MALRD1: variants seen among roughly 807,000 people sequenced by gnomAD.
The protein encoded by MALRD1 is MAM and LDL-receptor class A domain-containing protein 1.
Under a neutral mutation model 242.1 loss-of-function variants are expected in MALRD1, and 247 were observed. The ratio of observed to expected loss-of-function variants is 1.02; its 90% confidence interval spans 0.92 to 1.13. The LOEUF is 1.13. Among genes scored for constraint, MALRD1 ranks in the 50% most tolerant of loss-of-function variants. The probability of loss-of-function intolerance (pLI) is 0.00; values close to 1 mark genes in which losing one functional copy is unlikely to be tolerated. For synonymous variants in MALRD1, 995 were observed against 866.6 expected (o/e 1.15, Z -2.60); for missense variants, 2,989 against 2,533.1 (o/e 1.18, Z -3.86).
At chr10:19,079,374 C>G (rs1422938122) in intron 2 of MALRD1, among the ~76,000 whole-genome samples, 1 of 151,698 alleles carries the variant, frequency 6.6e-6, no homozygotes, top group Non-Finnish European at 1.5e-5. Flanking sequence ...TAAATATATT[C>G]AGATTTGTTT....
At chr10:19,436,004 A>G (rs1419102668) in intron 28 of MALRD1, among the ~76,000 whole-genome samples, 1 of 152,114 alleles carries the variant, frequency 6.6e-6, no homozygotes, top group Non-Finnish European at 1.5e-5. Context: ...TTGTTGCTCA[A>G]GTTGTTCCAG....
chr10:19,313,668 C>T (rs536131311), intron 21 of MALRD1, among the ~76,000 whole-genome samples: 60 of 151,530 alleles, frequency 4.0e-4, no homozygotes, highest in African/African-American at 1.0e-3. Context: ...AGGTCTAATA[C>T]GTATTTACTG....
intron 10 of MALRD1, among the ~76,000 whole-genome samples, chr10:19,144,893 G>T (rs2131436359): frequency 1.3e-5 from 2 of 152,226 alleles, no homozygotes; most frequent in East Asian, 3.9e-4. Flanking sequence ...TGGTAGTTTG[G>T]CTGTTTTTAT....
rs866447396 is a variant in MALRD1, at chr10:19,722,753, A to G, written c.6315-7953A>G. Among the ~76,000 whole-genome samples the G allele has an allele frequency of 9.2e-5, 14 of 152,122 alleles. No homozygotes were observed. The South Asian group carries it at 2.5e-3, about 27-fold the overall frequency. On this transcript the variant is annotated intron_variant, in intron 38 of 39. Transcript: ENST00000454679. ...GCAGGAAGTCTAAAAGAAGATGTAAATGACAAAAGGAGGAAAGCATAAGGA... is the reference window on the plus strand; with the variant it reads ...GCAGGAAGTCTAAAAGAAGATGTAAGTGACAAAAGGAGGAAAGCATAAGGA...
chr10:19,560,591 A>G (rs1835919759), intron 32 of MALRD1, among the ~76,000 whole-genome samples: 1 of 152,256 alleles, frequency 6.6e-6, no homozygotes, highest in South Asian at 2.1e-4. Flanking sequence ...GACTAGATAA[A>G]GAAAATGTGG....
chr10:19,398,777 C>G (rs1846698566), intron 28 of MALRD1, among the ~76,000 whole-genome samples: 1 of 152,152 alleles, frequency 6.6e-6, no homozygotes. Flanking sequence ...CTTGTCTGCA[C>G]AGGAATTTCT....
chr10:19,133,798 T>G, intron 8 of MALRD1, 58 bp from the exon 9 acceptor site: 1 of 718,750 alleles, frequency 1.4e-6, no homozygotes, highest in Non-Finnish European at 1.9e-6. Context: ...AGAGCATGTA[T>G]GTAAATGTGA....
intron 29 of MALRD1, among the ~76,000 whole-genome samples, chr10:19,458,140 C>A (rs1480438701): frequency 2.0e-5 from 3 of 152,094 alleles, no homozygotes; most frequent in Non-Finnish European, 4.4e-5. Context: ...TAAATATACT[C>A]TTTATAGAAG....
intron 32 of MALRD1, among the ~76,000 whole-genome samples, chr10:19,546,019 G>A (rs1463056934): frequency 2.0e-5 from 3 of 152,164 alleles, no homozygotes; most frequent in African/African-American, 4.8e-5. Context: ...TCTCAAGAGA[G>A]TTAATTATAT....
At chr10:19,329,931 C>A (rs35423414) in intron 23 of MALRD1, among the ~76,000 whole-genome samples, 21,126 of 152,070 alleles carry the variant, frequency 0.14, 1,491 homozygotes, top group South Asian at 0.16. Flanking sequence ...GAAGATAAGC[C>A]AGTTAACAGT....
chr10:19,717,497 C>T lies in MALRD1; in HGVS notation c.6315-13209C>T, dbSNP rs377271232. ...GTTTTCCCCTCCATAACATCTGGGCCATCAGTGTAAATGTCATCCCAGTAA... is the reference window on the plus strand; with the variant it reads ...GTTTTCCCCTCCATAACATCTGGGCTATCAGTGTAAATGTCATCCCAGTAA... On this transcript the variant is annotated intron_variant, in intron 38 of 39. Transcript: ENST00000454679. Among the ~76,000 whole-genome samples, 30 of 152,214 alleles carry T rather than the reference C, an allele frequency of 2.0e-4. No homozygotes were observed. The East Asian group carries it at 4.0e-3, about 21-fold the overall frequency.
At position 19,318,315 on chromosome 10, in the gene MALRD1, T is replaced by C. The variant is rs574918627; in HGVS notation, c.3420-5634T>C. 3.3e-5 allele frequency among the ~76,000 whole-genome samples: 5 copies of C among 152,100 alleles called. No homozygotes were observed. The South Asian group carries it at 1.0e-3, about 32-fold the overall frequency. On this transcript the variant is annotated intron_variant, in intron 21 of 39. Coordinates refer to ENST00000454679, the MANE Select transcript of MALRD1 (RefSeq NM_001142308.3). ...GTTCACAGTTTGATAAAAACACAAA[T>C]GCAGTTTTGTTGTTTGCATTTTTCA...
At chr10:19,326,675 A>G (rs981297978) in intron 22 of MALRD1, among the ~76,000 whole-genome samples, 1 of 152,132 alleles carries the variant, frequency 6.6e-6, no homozygotes, top group East Asian at 1.9e-4. Flanking sequence ...TATTTTTTCT[A>G]TGACTCTGGA....
chr10:19,305,792 A>G (rs1842137532), intron 21 of MALRD1, among the ~76,000 whole-genome samples: 1 of 141,800 alleles, frequency 7.1e-6, no homozygotes, highest in African/African-American at 2.6e-5. Flanking sequence ...TATTATATAT[A>G]TACCATATAT....
At chr10:19,390,592 G>T (rs1846299286) in intron 28 of MALRD1, among the ~76,000 whole-genome samples, 1 of 152,032 alleles carries the variant, frequency 6.6e-6, no homozygotes, top group Admixed American at 6.6e-5. Context: ...GCACGTGCAG[G>T]TATGTGTGTA....
At chr10:19,341,553 C>A (rs530811982) in intron 24 of MALRD1, among the ~76,000 whole-genome samples, 1 of 140,770 alleles carries the variant, frequency 7.1e-6, no homozygotes, top group African/African-American at 2.7e-5. Flanking sequence ...TATATACACA[C>A]ACACGTATTT....
At chr10:19,450,646 G>C (rs777495787) in intron 29 of MALRD1, among the ~76,000 whole-genome samples, 156 bp downstream of exon 29, 2 of 152,210 alleles carry the variant, frequency 1.3e-5, no homozygotes, top group Non-Finnish European at 2.9e-5. Flanking sequence ...ACTTAAAACT[G>C]TATGTTGAGA....
intron 36 of MALRD1, among the ~76,000 whole-genome samples, chr10:19,620,831 G>A (rs770826419): frequency 1.3e-5 from 2 of 151,898 alleles, no homozygotes; most frequent in East Asian, 3.9e-4. Flanking sequence ...TTCTTGAAAT[G>A]TATTGAAATA....
intron 38 of MALRD1, among the ~76,000 whole-genome samples, chr10:19,711,503 C>CT (rs1354938612): frequency 2.0e-5 from 3 of 152,146 alleles, no homozygotes; most frequent in Admixed American, 6.5e-5. Flanking sequence ...TATACAATCA[C>CT]TTCATAGAAA....
Sources: gnomAD v4.1 joint callset for allele counts (sites outside exome capture counted in the v4.1 genomes callset) on GRCh38, gnomAD v4.1.1 for gene constraint, MANE v1.5 for transcripts, NCBI Gene and HGNC (gene_info 2026-07-23, HGNC 2026-07-21) for gene names.